Variants in RAB27B observed in about 807,000 individuals in gnomAD.
RAB27B encodes the protein ras-related protein Rab-27B.
A neutral mutation model predicts 24.6 loss-of-function variants in RAB27B; 15 were observed. That is an observed-to-expected ratio of 0.61 (90% CI 0.41 to 0.94). The LOEUF (loss-of-function observed/expected upper bound fraction) is 0.94, where lower values mean the gene tolerates loss of function less well. RAB27B is among the 40% of genes least tolerant of loss of function. RAB27B has a pLI of 0.00. For missense variants in RAB27B, 261 were observed against 266.8 expected, an observed-to-expected ratio of 0.98 and a Z score of 0.15; for synonymous variants, 105 against 92.5, an observed-to-expected ratio of 1.14 and a Z score of -0.78.
At chr18:54,788,105 C>G (rs1211931915) in intron 2 of RAB27B, among the ~76,000 whole-genome samples, 2 of 152,062 alleles carry the variant, frequency 1.3e-5, no homozygotes, top group African/African-American at 4.8e-5. Context: ...CTCAGCAAGG[C>G]CAGACAAAAA....
chr18:54,801,008 GTTT>G lies in RAB27B; in HGVS notation c.-19-76537_-19-76535del, dbSNP rs11363761. Among the ~76,000 whole-genome samples, 779 of 93,054 alleles carry G rather than the reference GTTT, an allele frequency of 8.4e-3. 7 individuals are homozygous for G. The highest frequency in any genetic ancestry group is 0.023 in the African/African-American group (548 of 23,800). The allele number at this position is 93,054 out of a possible 152,430, so 61.0% of individuals were successfully genotyped here. On this transcript the variant is annotated intron_variant, in intron 2 of 4. Transcript: ENST00000586570. The stretch of plus-strand genomic sequence containing the variant: ...ATTTTTAAATTTGTTTTGTTCCTGT[GTTT>G]TTTTTTTTTTTTTTTTTTTTTAACA...
At chr18:54,844,630 C>T (rs1226009725) in intron 1 of RAB27B, among the ~76,000 whole-genome samples, 3 of 152,006 alleles carry the variant, frequency 2.0e-5, no homozygotes, top group African/African-American at 7.2e-5. Context: ...TGGTCTCAAA[C>T]TCCTGACCTC....
At chr18:54,730,993 G>A (rs564322638) in intron 2 of RAB27B, among the ~76,000 whole-genome samples, 1 of 152,224 alleles carries the variant, frequency 6.6e-6, no homozygotes, top group Admixed American at 6.5e-5. Context: ...TGAAGTAATA[G>A]TCATATGTAT....
chr18:54,873,530 A>AT (rs564695296), intron 1 of RAB27B, among the ~76,000 whole-genome samples: 115 of 151,576 alleles, frequency 7.6e-4, no homozygotes, highest in Non-Finnish European at 1.6e-3. Context: ...TTCCCACATC[A>AT]TTTTTTTTAG....
intron 2 of RAB27B, among the ~76,000 whole-genome samples, chr18:54,719,326 T>C (rs901716639): frequency 1.2e-4 from 19 of 152,046 alleles, no homozygotes; most frequent in Non-Finnish European, 2.5e-4. Flanking sequence ...CACTCTTTAT[T>C]TGGTAAACAA....
rs1913342778 is a variant in RAB27B, at chr18:54,890,975, C to A, written c.*1562C>A. 1 of 87,682 alleles carries A rather than the reference C, an allele frequency of 1.1e-5. No homozygotes were observed. The highest frequency in any genetic ancestry group is 1.5e-4 in the Admixed American group (1 of 6,590). 5.4% of individuals were successfully genotyped at this position (87,682 alleles called of 1,614,324 possible). A position where few individuals can be genotyped will look rare whatever the true frequency, so the allele number is the denominator to read the frequency against. On this transcript the variant is annotated 3_prime_UTR_variant, in exon 6 of 6. Transcript: ENST00000262094. ...AGTCAATTTTACCAAATAACAAAGA[C>A]AATATATTTTCGTTTTTTTTTATTA...
At chr18:54,850,356 A>ATATATG (rs1304515980) in intron 1 of RAB27B, among the ~76,000 whole-genome samples, 2 of 139,230 alleles carry the variant, frequency 1.4e-5, no homozygotes, top group African/African-American at 5.6e-5. Context: ...ATATATATAT[A>ATATATG]TATACATACA....
chr18:54,782,423 A>T (rs917495878), intron 2 of RAB27B, among the ~76,000 whole-genome samples: 11 of 152,202 alleles, frequency 7.2e-5, no homozygotes, highest in Admixed American at 2.6e-4. Flanking sequence ...GATATTTTGG[A>T]TGGGCCACTA....
intron 1 of RAB27B, among the ~76,000 whole-genome samples, chr18:54,862,080 G>A (rs1295246897): frequency 1.3e-5 from 2 of 151,524 alleles, no homozygotes; most frequent in Non-Finnish European, 2.9e-5. Flanking sequence ...AAGCATGACT[G>A]CCTTAGAAAA....
At chr18:54,754,674 G>A (rs980373449) in intron 2 of RAB27B, among the ~76,000 whole-genome samples, 8 of 152,152 alleles carry the variant, frequency 5.3e-5, no homozygotes, top group African/African-American at 1.4e-4. Context: ...CTGACAGCAT[G>A]ACAACATTTA....
At chr18:54,814,352 A>T (rs8085272) in intron 2 of RAB27B, among the ~76,000 whole-genome samples, 1 of 152,124 alleles carries the variant, frequency 6.6e-6, no homozygotes, top group African/African-American at 2.4e-5. Flanking sequence ...ATAAATTAGT[A>T]TTTGTTTGAA....
intron 2 of RAB27B, among the ~76,000 whole-genome samples, chr18:54,728,923 A>AAAC (rs1555651003): frequency 1.4e-5 from 2 of 144,652 alleles, no homozygotes; most frequent in Non-Finnish European, 3.0e-5. Flanking sequence ...AAAAAAAAAA[A>AAAC]CCACCACCAA....
intron 1 of RAB27B, among the ~76,000 whole-genome samples, chr18:54,877,178 C>A (rs1337252004): frequency 6.6e-6 from 1 of 151,980 alleles, no homozygotes; most frequent in Non-Finnish European, 1.5e-5. Context: ...CTCTTGCCAC[C>A]CTGTGAAGAG....
chr18:54,823,759 A>G (rs774398226), upstream of RAB27B, among the ~76,000 whole-genome samples: 3 of 152,202 alleles, frequency 2.0e-5, no homozygotes, highest in Non-Finnish European at 4.4e-5. Flanking sequence ...AGTATATGCA[A>G]ATACTTTAAT....
chr18:54,839,872 T>C (rs1911040822), intron 1 of RAB27B, among the ~76,000 whole-genome samples: 2 of 152,208 alleles, frequency 1.3e-5, no homozygotes, highest in African/African-American at 4.8e-5. Flanking sequence ...TCCAGTGATG[T>C]TTCCAGAAGT....
At chr18:54,732,263 A>G (rs1300966559) in intron 2 of RAB27B, among the ~76,000 whole-genome samples, 1 of 152,232 alleles carries the variant, frequency 6.6e-6, no homozygotes, top group Non-Finnish European at 1.5e-5. Context: ...TATCACAATG[A>G]AAAGATTTGG....
At chr18:54,832,556 T>C (rs1910724890) in intron 1 of RAB27B, among the ~76,000 whole-genome samples, 1 of 152,190 alleles carries the variant, frequency 6.6e-6, no homozygotes, top group African/African-American at 2.4e-5. Context: ...CTATGGATAC[T>C]ATTTAGAGTG....
Position 54,865,717 on chromosome 18 carries a change from A to C in RAB27B, c.-19-11850A>C, listed in dbSNP as rs538447553. Among the ~76,000 whole-genome samples the C allele has an allele frequency of 5.3e-5, 8 of 152,326 alleles. No individual in the cohort carries two copies. The East Asian group carries it at 1.5e-3, about 29-fold the overall frequency. On this transcript the variant is annotated intron_variant, in intron 1 of 5. Coordinates refer to ENST00000262094, the MANE Select transcript of RAB27B (RefSeq NM_004163.4). ...ATTTGGAGGGAAATGCCAAAACTAC[A>C]CCTTAGAGTTAAATAAGCTAATGTT...
At chr18:54,733,728 A>G (rs1275487968) in intron 2 of RAB27B, among the ~76,000 whole-genome samples, 1 of 137,970 alleles carries the variant, frequency 7.2e-6, no homozygotes, top group Admixed American at 8.0e-5. Flanking sequence ...CTAGGACTCT[A>G]GAAGCAGGTC....
Sources: gnomAD v4.1 joint callset for allele counts (sites outside exome capture counted in the v4.1 genomes callset) on GRCh38, gnomAD v4.1.1 for gene constraint, MANE v1.5 for transcripts, NCBI Gene and HGNC (gene_info 2026-07-23, HGNC 2026-07-21) for gene names.